CSF3R: variants seen among roughly 807,000 people sequenced by gnomAD.
CSF3R encodes the protein granulocyte colony-stimulating factor receptor.
A neutral mutation model predicts 84.4 loss-of-function variants in CSF3R; 52 were observed. That is an observed-to-expected ratio of 0.62 (90% CI 0.49 to 0.78). The LOEUF is 0.78. CSF3R is among the 30% of genes least tolerant of loss of function. The pLI is 0.00. For missense variants in CSF3R, 890 were observed against 1,055.7 expected, an observed-to-expected ratio of 0.84 and a Z score of 2.17; for synonymous variants, 384 against 429.1, an observed-to-expected ratio of 0.89 and a Z score of 1.30.
At chr1:36,476,845 T>G (rs1651187122) in intron 3 of CSF3R, 1 of 151,878 alleles carries the variant, frequency 6.6e-6, no homozygotes, top group African/African-American at 2.4e-5. Flanking sequence ...ATTTTTTTTT[T>G]TTTTGGTAGA....
intron 4 of CSF3R, among the ~76,000 whole-genome samples, chr1:36,474,239 G>C (rs3917964): frequency 0.053 from 8,035 of 152,190 alleles, 506 homozygotes; most frequent in African/African-American, 0.15. Context: ...CCATGCCTCA[G>C]CATCCTCATC....
intron 12 of CSF3R, 41 bp downstream of exon 12, chr1:36,469,115 A>G (rs1367950182): frequency 7.1e-7 from 1 of 1,418,234 alleles, no homozygotes; most frequent in Non-Finnish European, 1.0e-6. Flanking sequence ...CTTGGGAGAG[A>G]GAGGAGAGGA....
At chr1:36,470,986 CG>C (rs2124116318) in intron 10 of CSF3R, among the ~76,000 whole-genome samples, 1 of 152,166 alleles carries the variant, frequency 6.6e-6, no homozygotes, top group South Asian at 2.1e-4. Context: ...AAACAGAGGC[CG>C]GGGATGGGAG....
chr1:36,472,544 C>T lies in CSF3R; in HGVS notation c.816G>A (p.Pro272=), dbSNP rs200668866. 89 of 1,614,178 alleles carry T rather than the reference C, an allele frequency of 5.5e-5. No homozygotes were observed. Among genetic ancestry groups the T allele is most frequent in the East Asian group, 2.9e-4 (13 of 44,864 alleles). The change falls in exon 7 of 17, where the codon CCG becomes CCA. Residue 272 remains proline (P), a synonymous_variant. Transcript: ENST00000373106. The surrounding 1 kb of genome is among the most constrained non-coding windows in gnomAD (Gnocchi z 5.0). ...INQKCELRHK[P]QRGEASWALV... ...GTGCCCAGCTGGCTTCTCCACGCTGCGGCTTGTGGCGCAGCTCACACTTCT... is the reference window on the plus strand; with the variant it reads ...GTGCCCAGCTGGCTTCTCCACGCTGTGGCTTGTGGCGCAGCTCACACTTCT...
rs911099378 is a variant in CSF3R, at chr1:36,474,390, C to CTTTTTTT, written c.362-510_362-504dup. 4.6e-4 allele frequency among the ~76,000 whole-genome samples: 40 copies of CTTTTTTT among 86,276 alleles called. 3 individuals carry two copies. The highest frequency in any genetic ancestry group is 0.01 in the Middle Eastern group (1 of 98). The allele number at this position is 86,276 out of a possible 152,430, so 56.6% of individuals were successfully genotyped here. On this transcript the variant is annotated intron_variant, in intron 4 of 16. Transcript: ENST00000373106. ...GTGTTAGCAGTGGCCATTACTGGTG[C>CTTTTTTT]TTTTTTTTTTTTTTTTTTTTTTTTT...
rs771566058 is a variant in CSF3R at position 36,475,391 on chromosome 1, T to C, written c.347A>G (p.Glu116Gly). ...GAAGGACTTACAGCCTGCGCGCAGC[T>C]CAACCTGGTCCAGGATCTGCAGGCT... ...GNSLQILDQV[E>G]LRAGYPPAIP... is the part of the protein sequence containing the mutation. Residue 116 changes from glutamate (E) to glycine (G), a missense_variant, in exon 4 of 17, where the codon GAG (glutamate) becomes GGG (glycine). Glu to Gly is a moderately conservative substitution (Grantham distance 98, BLOSUM62 -2). Coordinates refer to ENST00000373106, the MANE Select transcript of CSF3R (RefSeq NM_000760.4). 5 of 1,613,960 alleles carry C rather than the reference T, an allele frequency of 3.1e-6. No homozygotes were observed. The highest frequency in any genetic ancestry group is 2.5e-6 in the Non-Finnish European group (3 of 1,180,010).
intron 3 of CSF3R, chr1:36,479,176 T>G: frequency 3.7e-6 from 2 of 545,158 alleles, no homozygotes; most frequent in Non-Finnish European, 6.8e-6. Context: ...TTGGTAGAGA[T>G]TTGCGGACAA....
intron 2 of CSF3R, chr1:36,479,844 C>T (rs1489022430): frequency 2.6e-6 from 1 of 384,698 alleles, no homozygotes; most frequent in East Asian, 5.9e-5. Context: ...AGCTAGGCTA[C>T]CCCTAGAGAG....
chr1:36,467,395 G>T lies in CSF3R; in HGVS notation c.1959-84C>A, dbSNP rs910733061. ...TGTCCCACCCACCCCACCTGAAGAG[G>T]TGCAGCTGCCCTTAGTGCAGAGAGA... is the stretch of plus-strand genomic sequence containing the variant. On this transcript the variant is annotated intron_variant, in intron 15 of 16. Coordinates refer to ENST00000373106, the MANE Select transcript of CSF3R (RefSeq NM_000760.4). The surrounding 1 kb of genome is among the most constrained non-coding windows in gnomAD (Gnocchi z 4.1). The T allele has an allele frequency of 1.4e-6, 2 of 1,472,298 alleles. No individual in the cohort carries two copies. Among genetic ancestry groups the T allele is most frequent in the Non-Finnish European group, 9.5e-7 (1 of 1,051,584 alleles). The allele number at this position is 1,472,298 out of a possible 1,614,324, so 91.2% of individuals were successfully genotyped here.
Position 36,475,599 on chromosome 1 carries a change from T to C in CSF3R, c.139A>G (p.Ile47Val). The C allele has an allele frequency of 6.2e-7, 1 of 1,609,490 alleles. No individual in the cohort carries two copies. Among genetic ancestry groups the C allele is most frequent in the Non-Finnish European group, 8.5e-7 (1 of 1,176,146 alleles). ...AGATGGCTGCAGTTCTGCTTGATGA[T>C]GCAGGAGGCTGTGATGGGATCCCCC... is the stretch of plus-strand genomic sequence containing the variant. ...HLGDPITASC[I>V]IKQNCSHLDP... The change falls in exon 4 of 17, where the codon ATC becomes GTC. Residue 47 changes from isoleucine to valine, a missense_variant. Ile to Val is a conservative substitution (Grantham distance 29). Transcript: ENST00000373106.
rs1557597141 is a variant in CSF3R at position 36,475,385 on chromosome 1, CGCAGCTCAACCTGGTCCAGGATCT to C, written c.329_352del (p.Gln110_Leu117del). 5.0e-6 allele frequency: 8 copies of C among 1,613,812 alleles called. No homozygotes were observed. The highest frequency in any genetic ancestry group is 6.8e-6 in the Non-Finnish European group (8 of 1,180,026). On this transcript the variant is annotated inframe_deletion, in exon 4 of 17. Coordinates refer to ENST00000373106, the MANE Select transcript of CSF3R (RefSeq NM_000760.4). ...TGGCTGGAAGGACTTACAGCCTGCG[CGCAGCTCAACCTGGTCCAGGATCT>C]GCAGGCTGTTGCCCCAGTTCAGGCA...
rs1367410854 is a variant in CSF3R, at chr1:36,467,562, G to T, written c.1954C>A (p.Pro652Thr). 5.0e-6 allele frequency: 8 copies of T among 1,613,970 alleles called. No homozygotes were observed. The East Asian group carries it at 1.6e-4, about 31-fold the overall frequency. Residue 652 changes from proline to threonine, a missense_variant, in exon 15 of 17, where the codon CCC becomes ACC. Coordinates refer to ENST00000373106, the MANE Select transcript of CSF3R (RefSeq NM_000760.4). This position sits in a 1 kb window ranked among gnomAD's most constrained non-coding sequence, Gnocchi z 4.1. ...AGGTCTCTCAAAGGGACTCACTTGGGGCTGCAACAGAGCCAGGCAGTTCCA... is the reference window on the plus strand; with the variant it reads ...AGGTCTCTCAAAGGGACTCACTTGGTGCTGCAACAGAGCCAGGCAGTTCCA... ...LCGTAWLCCS[P>T]NRKNPLWPSV...
chr1:36,472,636 C>T lies in CSF3R; in HGVS notation c.724G>A (p.Ala242Thr). 10 of 1,611,760 alleles carry T rather than the reference C, an allele frequency of 6.2e-6. No individual in the cohort carries two copies. The highest frequency in any genetic ancestry group is 7.6e-6 in the Non-Finnish European group (9 of 1,178,794). ...LRTMDPSPEA[A>T]PPQAGCLQLC... ...TGTAGGCAGCCTGCCTGGGGAGGGGCCGCTTCAGGGCTGGGGTCCATGGTC... is the reference window on the plus strand; with the variant it reads ...TGTAGGCAGCCTGCCTGGGGAGGGGTCGCTTCAGGGCTGGGGTCCATGGTC... The change falls in exon 7 of 17, where the codon GCC becomes ACC. Residue 242 changes from alanine to threonine, a missense_variant. Coordinates refer to ENST00000373106, the MANE Select transcript of CSF3R (RefSeq NM_000760.4). This position sits in a 1 kb window ranked among gnomAD's most constrained non-coding sequence, Gnocchi z 5.0.
At chr1:36,469,568 G>C (rs1355902488) in intron 11 of CSF3R, 84 bp downstream of exon 11, 1 of 1,504,572 alleles carries the variant, frequency 6.6e-7, no homozygotes, top group Middle Eastern at 1.7e-4. Context: ...CTCTTGGGCA[G>C]TTCAGGTTGT....
intron 1 of CSF3R, chr1:36,482,167 A>G (rs1651560514): frequency 6.6e-6 from 1 of 152,344 alleles, no homozygotes; most frequent in Non-Finnish European, 1.5e-5. Context: ...AGCAACAGGA[A>G]GAGTGACAGA....
chr1:36,468,910 T>C (rs1239043377), intron 12 of CSF3R: 3 of 511,938 alleles, frequency 5.9e-6, no homozygotes, highest in Non-Finnish European at 1.1e-5. Context: ...GTCTGGGAAA[T>C]GGTTTGATTT....
At chr1:36,479,193 C>T (rs557510813) in intron 3 of CSF3R, 12 of 585,988 alleles carry the variant, frequency 2.0e-5, no homozygotes, top group East Asian at 3.1e-5. Context: ...ACAAGATCTG[C>T]GCCTCACTGG....
chr1:36,469,792 A>C lies in CSF3R; in HGVS notation c.1334T>G (p.Leu445Arg). The change falls in exon 11 of 17, where the codon CTC becomes CGC. Residue 445 changes from leucine (L) to arginine (R), a missense_variant. Physicochemically the swap from Leu to Arg is moderately radical, Grantham distance 102. Transcript: ENST00000373106. ...LHAMARDPHS[L>R]WVGWEPPNPW... is the part of the protein sequence containing the mutation. ...ATTGGGGGGCTCCCAGCCTACCCAG[A>C]GGCTGTGAGGGTCTCGGGCCATGGC... 6.2e-7 allele frequency: 1 copy of C among 1,614,112 alleles called. No individual in the cohort carries two copies. Among genetic ancestry groups the C allele is most frequent in the African/African-American group, 1.3e-5 (1 of 75,050 alleles).
Position 36,472,661 on chromosome 1 carries a change from C to T in CSF3R, c.699G>A (p.Arg233=). ...DVVKLEPPML[R]TMDPSPEAAP... is the part of the protein sequence containing the mutation. ...CCGCTTCAGGGCTGGGGTCCATGGT[C>T]CGCAGCATGGGGGGCTCCAGTTTCA... is the stretch of plus-strand genomic sequence containing the variant. The change falls in exon 7 of 17, where the codon CGG becomes CGA. Residue 233 remains arginine, a synonymous_variant. Transcript: ENST00000373106. The surrounding 1 kb of genome is among the most constrained non-coding windows in gnomAD (Gnocchi z 5.0). The T allele has an allele frequency of 6.2e-7, 1 of 1,606,008 alleles. No homozygotes were observed. The highest frequency in any genetic ancestry group is 8.5e-7 in the Non-Finnish European group (1 of 1,175,198).
Sources: gnomAD v4.1 joint callset for allele counts (sites outside exome capture counted in the v4.1 genomes callset) on GRCh38, gnomAD v4.1.1 for gene constraint, Gnocchi (gnomAD v3.1) non-coding constraint, MANE v1.5 for transcripts, NCBI Gene and HGNC (gene_info 2026-07-23, HGNC 2026-07-21) for gene names.